GALNTL6: variants seen among roughly 807,000 people sequenced by gnomAD.
GALNTL6 encodes polypeptide N-acetylgalactosaminyltransferase-like 6.
A neutral mutation model predicts 73.7 loss-of-function variants in GALNTL6; 46 were observed. That is an observed-to-expected ratio of 0.62 (90% CI 0.49 to 0.80). The LOEUF (loss-of-function observed/expected upper bound fraction) is 0.80. Among genes scored for constraint, GALNTL6 ranks in the 30% least tolerant of loss-of-function variants. The pLI, the probability that GALNTL6 is intolerant of heterozygous loss-of-function variation, is 0.00. For missense variants in GALNTL6, 604 were observed against 755.0 expected (o/e 0.80, Z 2.34); for synonymous variants, 259 against 263.7 (o/e 0.98, Z 0.17).
At chr4:172,568,458 T>C (rs1263458201) in intron 5 of GALNTL6, among the ~76,000 whole-genome samples, 1 of 152,018 alleles carries the variant, frequency 6.6e-6, no homozygotes, top group East Asian at 1.9e-4. Flanking sequence ...AACTAGTTTT[T>C]AAAAGTAACA....
At chr4:171,849,625 A>C (rs879476155) in intron 2 of GALNTL6, among the ~76,000 whole-genome samples, 1 of 152,202 alleles carries the variant, frequency 6.6e-6, no homozygotes, top group Non-Finnish European at 1.5e-5. Context: ...CTAAATAGGT[A>C]AATTTACATT....
At chr4:172,302,577 G>A (rs1739973693) in intron 3 of GALNTL6, among the ~76,000 whole-genome samples, 1 of 152,098 alleles carries the variant, frequency 6.6e-6, no homozygotes, top group African/African-American at 2.4e-5. Flanking sequence ...TAAATCTGTG[G>A]CATTCCTTTC....
intron 2 of GALNTL6, among the ~76,000 whole-genome samples, chr4:171,842,632 G>A (rs1295432487): frequency 6.6e-6 from 1 of 152,028 alleles, no homozygotes; most frequent in African/African-American, 2.4e-5. Context: ...GAGAAAGGAG[G>A]CAAGAGAGAG....
chr4:172,715,280 G>T (rs1007872606), intron 5 of GALNTL6, among the ~76,000 whole-genome samples: 4 of 152,184 alleles, frequency 2.6e-5, no homozygotes, highest in Non-Finnish European at 2.9e-5. Flanking sequence ...GTGGGGATGT[G>T]CATGGGTGTA....
intron 3 of GALNTL6, among the ~76,000 whole-genome samples, chr4:172,244,221 G>A (rs1737548199): frequency 6.6e-6 from 1 of 152,146 alleles, no homozygotes; most frequent in Non-Finnish European, 1.5e-5. Flanking sequence ...ATGTAAAATG[G>A]AAATGAAAAG....
At chr4:172,804,515 G>A (rs1398646915) in intron 5 of GALNTL6, among the ~76,000 whole-genome samples, 1 of 152,132 alleles carries the variant, frequency 6.6e-6, no homozygotes, top group African/African-American at 2.4e-5. Context: ...TGTAAATTAG[G>A]AAATTCAAAT....
At chr4:172,229,873 T>G in intron 3 of GALNTL6, 109 bp downstream of exon 3, 1 of 666,830 alleles carries the variant, frequency 1.5e-6, no homozygotes, top group Non-Finnish European at 2.6e-6. Context: ...AAAGTATGTT[T>G]CATGGGGATA....
In GALNTL6 at chr4:172,061,970, C is replaced by T. The variant is rs140136103; in HGVS notation, c.139-167686C>T. ...CTTTTTTTTTTTTTTTTTTTTGAGACAGAGTCTTGCTCTTGCTGTGTAGGC... is the reference window on the plus strand; with the variant it reads ...CTTTTTTTTTTTTTTTTTTTTGAGATAGAGTCTTGCTCTTGCTGTGTAGGC... On this transcript the variant is annotated intron_variant, in intron 2 of 12. Transcript: ENST00000506823. Among the ~76,000 whole-genome samples the T allele has an allele frequency of 7.0e-3, 822 of 117,022 alleles. 13 individuals carry two copies. Among genetic ancestry groups the T allele is most frequent in the African/African-American group, 0.026 (773 of 30,090 alleles). The allele number at this position is 117,022 out of a possible 152,430, so 76.8% of individuals were successfully genotyped here. A position where few individuals can be genotyped will look rare whatever the true frequency, so the allele number is the denominator to read the frequency against.
intron 5 of GALNTL6, among the ~76,000 whole-genome samples, chr4:172,368,149 G>A (rs976580807): frequency 3.9e-5 from 6 of 152,128 alleles, no homozygotes; most frequent in African/African-American, 1.4e-4. Flanking sequence ...GGGAGGCCAA[G>A]GCAGGTGACT....
intron 2 of GALNTL6, among the ~76,000 whole-genome samples, chr4:171,980,712 T>G (rs966230013): frequency 5.3e-5 from 8 of 152,194 alleles, no homozygotes; most frequent in African/African-American, 1.9e-4. Context: ...CCTCCAGCTC[T>G]GAAGTTGACA....
chr4:172,274,669 A>T (rs944712804), intron 3 of GALNTL6, among the ~76,000 whole-genome samples: 4 of 152,214 alleles, frequency 2.6e-5, no homozygotes, highest in Admixed American at 2.6e-4. Flanking sequence ...AGATTAAAGG[A>T]AAGAATACAG....
chr4:172,670,500 GT>G (rs1242239784), intron 5 of GALNTL6, among the ~76,000 whole-genome samples: 2 of 151,816 alleles, frequency 1.3e-5, no homozygotes, highest in African/African-American at 4.8e-5. Flanking sequence ...GGTGTTGTTT[GT>G]TTTTTTCCTG....
intron 5 of GALNTL6, among the ~76,000 whole-genome samples, chr4:172,376,068 C>A (rs1035725484): frequency 2.0e-5 from 3 of 152,114 alleles, no homozygotes; most frequent in African/African-American, 7.2e-5. Flanking sequence ...GAGGAGGGAT[C>A]CTAAAATTCC....
At chr4:172,753,445 G>A (rs958809887) in intron 5 of GALNTL6, among the ~76,000 whole-genome samples, 1 of 152,164 alleles carries the variant, frequency 6.6e-6, no homozygotes, top group Non-Finnish European at 1.5e-5. Flanking sequence ...TTTTCAAAGT[G>A]TTATGTAAAA....
At chr4:172,237,649 A>G (rs1482141678) in intron 3 of GALNTL6, among the ~76,000 whole-genome samples, 1 of 152,124 alleles carries the variant, frequency 6.6e-6, no homozygotes, top group African/African-American at 2.4e-5. Flanking sequence ...TGTCTTCATC[A>G]TGAAATATTT....
intron 3 of GALNTL6, among the ~76,000 whole-genome samples, chr4:172,274,973 G>T (rs1738777994): frequency 6.6e-6 from 1 of 152,146 alleles, no homozygotes; most frequent in South Asian, 2.1e-4. Flanking sequence ...TTACCTGGGT[G>T]TCCTGTGGTA....
At chr4:172,980,866 C>T (rs573391013) in intron 10 of GALNTL6, among the ~76,000 whole-genome samples, 1 of 152,192 alleles carries the variant, frequency 6.6e-6, no homozygotes, top group African/African-American at 2.4e-5. Context: ...TCACTCTCCC[C>T]CAGTTCCTAG....
intron 8 of GALNTL6, among the ~76,000 whole-genome samples, chr4:172,887,193 C>G (rs1745767312): frequency 6.6e-6 from 1 of 152,186 alleles, no homozygotes; most frequent in Non-Finnish European, 1.5e-5. Context: ...TGAAGTATTC[C>G]ATGGTGTATA....
At chr4:173,023,231 T>C (rs1024173508) in intron 12 of GALNTL6, among the ~76,000 whole-genome samples, 8 of 152,202 alleles carry the variant, frequency 5.3e-5, no homozygotes, top group African/African-American at 1.7e-4. Context: ...ATAAGCATTC[T>C]GGTTTCCACC....
Sources: allele counts gnomAD v4.1 joint callset (sites outside exome capture counted in the v4.1 genomes callset), GRCh38; gene constraint gnomAD v4.1.1; transcripts MANE v1.5; gene names NCBI Gene and HGNC (gene_info 2026-07-23, HGNC 2026-07-21).